C19orf38: variants seen among roughly 807,000 people sequenced by gnomAD.
C19orf38 encodes the protein chromosome 19 open reading frame 38.
In C19orf38, 14 loss-of-function variants were observed where a neutral mutation model predicts 26.6. That is an observed-to-expected ratio of 0.53 (90% confidence interval 0.35 to 0.82). C19orf38 has a LOEUF of 0.82. Among genes scored for constraint, C19orf38 ranks in the 40% least tolerant of loss-of-function variants. C19orf38 has a pLI of 0.01. For missense variants in C19orf38, 261 were observed against 299.5 expected (o/e 0.87, Z 0.95); for synonymous variants, 132 against 128.5 (o/e 1.03, Z -0.18).
At chr19:10,842,051 T>C (rs1470138848) in intron 1 of C19orf38, 2 of 1,609,156 alleles carry the variant, frequency 1.2e-6, no homozygotes, top group East Asian at 2.2e-5. Context: ...TTGCTCAGAT[T>C]GGAATTTCAG....
chr19:10,860,872 C>T (rs1293811634), intron 5 of C19orf38, among the ~76,000 whole-genome samples: 33 of 110,400 alleles, frequency 3.0e-4, no homozygotes, highest in Admixed American at 4.7e-4. Context: ...GGGCCAGGCA[C>T]GGTGGCTCAC....
Position 10,869,631 on chromosome 19 carries a change from C to G in C19orf38, c.*264C>G. 2.1e-6 allele frequency: 1 copy of G among 468,168 alleles called. No homozygotes were observed. The highest frequency in any genetic ancestry group is 3.7e-6 in the Non-Finnish European group (1 of 269,268). The allele number at this position is 468,168 out of a possible 1,614,324, so 29.0% of individuals were successfully genotyped here. A position where few individuals can be genotyped will look rare whatever the true frequency, so the allele number is the denominator to read the frequency against. On this transcript the variant is annotated 3_prime_UTR_variant, in exon 7 of 7. Coordinates refer to ENST00000397820, the MANE Select transcript of C19orf38 (RefSeq NM_001136482.3). ...AGAGAAGGAGATGTCAGGACCCCTTCTTGTCCCCCAGCTGGGCCATAAGAC... is the reference window on the plus strand; with the variant it reads ...AGAGAAGGAGATGTCAGGACCCCTTGTTGTCCCCCAGCTGGGCCATAAGAC...
chr19:10,843,849 C>T (rs563784253), upstream of C19orf38, among the ~76,000 whole-genome samples: 4 of 152,254 alleles, frequency 2.6e-5, no homozygotes, highest in Admixed American at 6.5e-5. Context: ...CTGGGCATGG[C>T]GGCTCATGCC....
chr19:10,859,346 GTGTA>G (rs1385692623), intron 4 of C19orf38, among the ~76,000 whole-genome samples: 20 of 44,080 alleles, frequency 4.5e-4, no homozygotes, highest in Non-Finnish European at 6.3e-4. Context: ...GTGTGTGTGT[GTGTA>G]TATATATATA....
intron 2 of C19orf38, among the ~76,000 whole-genome samples, chr19:10,851,350 CT>C (rs56183502): frequency 1.0e-3 from 148 of 143,106 alleles, no homozygotes; most frequent in Middle Eastern, 3.6e-3. Flanking sequence ...CTGCACCTGG[CT>C]TTTTTTTTTT....
chr19:10,860,651 CTA>C (rs1333001969), intron 5 of C19orf38, among the ~76,000 whole-genome samples: 7 of 147,532 alleles, frequency 4.7e-5, no homozygotes, highest in East Asian at 2.0e-4. Flanking sequence ...ACCATCCTGG[CTA>C]AAACAGTGAA....
chr19:10,848,484 A>T lies in C19orf38; in HGVS notation c.-25A>T, dbSNP rs1444122473. ...CTTGGGCCCCTCTGGCCTCAGCCGGATTTCCCAGCCAAACGCAGAGAGAGA... is the reference window on the plus strand; with the variant it reads ...CTTGGGCCCCTCTGGCCTCAGCCGGTTTTCCCAGCCAAACGCAGAGAGAGA... On this transcript the variant is annotated 5_prime_UTR_variant, in exon 1 of 7. Transcript: ENST00000397820. 1.3e-6 allele frequency: 2 copies of T among 1,551,358 alleles called. No individual in the cohort carries two copies. The highest frequency in any genetic ancestry group is 4.9e-5 in the East Asian group (2 of 40,914).
intron 6 of C19orf38, among the ~76,000 whole-genome samples, chr19:10,865,900 T>C (rs1235287503): frequency 6.6e-6 from 1 of 151,806 alleles, no homozygotes; most frequent in East Asian, 1.9e-4. Flanking sequence ...GCAGCCTTGA[T>C]CACCTGGGCT....
chr19:10,850,759 A>G (rs2073564539), intron 2 of C19orf38, among the ~76,000 whole-genome samples, 192 bp downstream of exon 2: 1 of 152,134 alleles, frequency 6.6e-6, no homozygotes, highest in Non-Finnish European at 1.5e-5. Context: ...AGCTTAAGTC[A>G]GCTCACAGGG....
upstream of C19orf38, among the ~76,000 whole-genome samples, chr19:10,846,157 G>T (rs1252522008): frequency 6.6e-6 from 1 of 151,522 alleles, no homozygotes; most frequent in African/African-American, 2.4e-5. Flanking sequence ...ACTGTAGCCT[G>T]AGCAATAGAG....
At position 10,856,339 on chromosome 19, in the gene C19orf38, G is replaced by T; in HGVS notation, c.415G>T (p.Ala139Ser). The part of the protein sequence containing the change: ...LFLLAGLVAV[A>S]LVVRKVKLRN... Reference sequence around the variant, plus strand: ...CCTCCTTGCTGGGCTGGTGGCTGTTGCCCTGGTGGTCAGAAAAGGTAACAG... The same window carrying T: ...CCTCCTTGCTGGGCTGGTGGCTGTTTCCCTGGTGGTCAGAAAAGGTAACAG... Residue 139 changes from alanine (A) to serine (S), a missense_variant, in exon 3 of 7, where the codon GCC becomes TCC. Ala to Ser is a moderately conservative substitution (Grantham distance 99). Coordinates refer to ENST00000397820, the MANE Select transcript of C19orf38 (RefSeq NM_001136482.3). 6.4e-7 allele frequency: 1 copy of T among 1,551,202 alleles called. No individual in the cohort carries two copies.
At position 10,857,366 on chromosome 19, in the gene C19orf38, A is replaced by ATTTTTTTTTT. The variant is rs773726753; in HGVS notation, c.434-940_434-931dup. Among the ~76,000 whole-genome samples, 13 of 56,082 alleles carry ATTTTTTTTTT rather than the reference A, an allele frequency of 2.3e-4. 1 individual carries two copies. The highest frequency in any genetic ancestry group is 2.2e-3 in the African/African-American group (13 of 5,822). The allele number at this position is 56,082 out of a possible 152,430, so 36.8% of individuals were successfully genotyped here. On this transcript the variant is annotated intron_variant, in intron 3 of 6. Coordinates refer to ENST00000397820, the MANE Select transcript of C19orf38 (RefSeq NM_001136482.3). ...TATATATATATATATATATATATAT[A>ATTTTTTTTTT]TTTTTTTTTTTTTTTTTTTAAGATG...
At chr19:10,838,086 T>A (rs1026761836) in intron 1 of C19orf38, among the ~76,000 whole-genome samples, 1 of 152,222 alleles carries the variant, frequency 6.6e-6, no homozygotes, top group East Asian at 1.9e-4. Flanking sequence ...TTGATTTTTT[T>A]AAATACAGTA....
chr19:10,853,028 T>C, intron 2 of C19orf38, among the ~76,000 whole-genome samples: 1 of 149,202 alleles, frequency 6.7e-6, no homozygotes, highest in Non-Finnish European at 1.5e-5. Flanking sequence ...CTGGGCAACA[T>C]AGTGAGACCC....
chr19:10,843,361 C>T (rs547165563), intron 1 of C19orf38, among the ~76,000 whole-genome samples: 85 of 152,274 alleles, frequency 5.6e-4, no homozygotes, highest in African/African-American at 2.0e-3. Flanking sequence ...GGGACCTGCC[C>T]CTATCTGCCT....
chr19:10,850,178 G>A, intron 1 of C19orf38, 81 bp from the exon 2 acceptor site: 1 of 1,316,838 alleles, frequency 7.6e-7, no homozygotes, highest in Non-Finnish European at 1.0e-6. Context: ...GAGGGAGGGT[G>A]GTCTACTTGC....
Position 10,859,978 on chromosome 19 carries a change from T to C in C19orf38, c.505+20T>C. 6.5e-7 allele frequency: 1 copy of C among 1,547,504 alleles called. No individual in the cohort carries two copies. Among genetic ancestry groups the C allele is most frequent in the Non-Finnish European group, 8.7e-7 (1 of 1,143,010 alleles). On this transcript the variant is annotated intron_variant, in intron 5 of 6. Coordinates refer to ENST00000397820, the MANE Select transcript of C19orf38 (RefSeq NM_001136482.3). ...GCACAGGTCTGTGCCTCCACACTCCTGACTCCAGTGGGGAAAGGATTACAC... is the reference window on the plus strand; with the variant it reads ...GCACAGGTCTGTGCCTCCACACTCCCGACTCCAGTGGGGAAAGGATTACAC...
intron 5 of C19orf38, among the ~76,000 whole-genome samples, chr19:10,861,288 C>T (rs185431287): frequency 2.8e-4 from 43 of 152,364 alleles, no homozygotes; most frequent in Admixed American, 1.4e-3. Flanking sequence ...ACTTGCCTTC[C>T]AGAACATGCC....
chr19:10,861,818 TCCAC>T (rs1333559448), intron 5 of C19orf38, among the ~76,000 whole-genome samples: 5 of 152,100 alleles, frequency 3.3e-5, no homozygotes, highest in Non-Finnish European at 7.4e-5. Flanking sequence ...CCTCAGGTGA[TCCAC>T]CCACCTCAGC....
Sources: allele counts gnomAD v4.1 joint callset (sites outside exome capture counted in the v4.1 genomes callset), GRCh38; gene constraint gnomAD v4.1.1; transcripts MANE v1.5; gene names NCBI Gene and HGNC (gene_info 2026-07-23, HGNC 2026-07-21).